The following ACOT7 variants were observed in gnomAD, a reference collection of about 807,000 sequenced individuals.
The protein encoded by ACOT7 is cytosolic acyl coenzyme A thioester hydrolase.
ACOT7 carries 12 observed loss-of-function variants against 40.2 expected under a neutral mutation model. That is an observed-to-expected ratio of 0.30 (90% CI 0.19 to 0.48). ACOT7 has a LOEUF of 0.48. Ranked by LOEUF, ACOT7 falls within the 20% of genes least tolerant of loss-of-function variation. The pLI, the probability that ACOT7 is intolerant of heterozygous loss-of-function variation, is 0.99. For missense variants in ACOT7, 395 were observed against 530.8 expected (o/e 0.74, Z 2.51); for synonymous variants, 228 against 219.5 (o/e 1.04, Z -0.34).
At chr1:6,342,498 A>G (rs1641304346) in intron 2 of ACOT7, among the ~76,000 whole-genome samples, 1 of 152,224 alleles carries the variant, frequency 6.6e-6, no homozygotes, top group Non-Finnish European at 1.5e-5. Context: ...TGTGTTGCCC[A>G]GGCAGGAATG....
At chr1:6,375,261 CAAAA>C (rs34778182) in intron 1 of ACOT7, among the ~76,000 whole-genome samples, 7 of 73,854 alleles carry the variant, frequency 9.5e-5, no homozygotes, top group Admixed American at 1.6e-4. Flanking sequence ...AGACTCCTCT[CAAAA>C]AAAAAAAAAA....
chr1:6,349,183 G>A (rs1015114839), intron 2 of ACOT7, among the ~76,000 whole-genome samples: 1 of 152,002 alleles, frequency 6.6e-6, no homozygotes, highest in African/African-American at 2.4e-5. Flanking sequence ...CTTGTCCCCA[G>A]CTTTAGGGTC....
At chr1:6,372,092 G>A (rs1187304087) in intron 1 of ACOT7, among the ~76,000 whole-genome samples, 1 of 151,226 alleles carries the variant, frequency 6.6e-6, no homozygotes, top group Non-Finnish European at 1.5e-5. Context: ...CCTCACCGGT[G>A]ATCTCAGCCA....
Position 6,284,437 on chromosome 1 carries a change from A to G in ACOT7, c.830-3151T>C, listed in dbSNP as rs528898883. On this transcript the variant is annotated intron_variant, in intron 7 of 8. Coordinates refer to ENST00000361521, the MANE Select transcript of ACOT7 (RefSeq NM_007274.4). ...ATTAAAAATACAAAATTAGCCGGGC[A>G]TGGTGGCACATGCCTGTAATCCCAG... 8.5e-5 allele frequency among the ~76,000 whole-genome samples: 13 copies of G among 152,134 alleles called. 1 individual carries two copies. In the South Asian group the frequency reaches 2.5e-3, roughly 29 times the overall value.
chr1:6,307,115 G>A (rs1310068069), intron 6 of ACOT7, among the ~76,000 whole-genome samples: 3 of 151,902 alleles, frequency 2.0e-5, no homozygotes, highest in Admixed American at 2.0e-4. Flanking sequence ...TGTCGCAGAA[G>A]GTTTGACTCC....
intron 5 of ACOT7, among the ~76,000 whole-genome samples, chr1:6,327,045 C>T (rs1640817204): frequency 6.6e-6 from 1 of 152,220 alleles, no homozygotes; most frequent in Non-Finnish European, 1.5e-5. Flanking sequence ...ATGGAGGCCC[C>T]ACGCACAGTG....
chr1:6,267,635 C>T (rs943361044), intron 8 of ACOT7, among the ~76,000 whole-genome samples: 1 of 152,236 alleles, frequency 6.6e-6, no homozygotes, highest in African/African-American at 2.4e-5. Context: ...GGTTCTGAAA[C>T]GTCTCAAATC....
intron 1 of ACOT7, among the ~76,000 whole-genome samples, chr1:6,382,584 G>A (rs6692732): frequency 0.082 from 12,444 of 151,808 alleles, 980 homozygotes; most frequent in African/African-American, 0.19. Context: ...GGCAGACGGA[G>A]ATGGGCAGAT....
intron 1 of ACOT7, among the ~76,000 whole-genome samples, chr1:6,362,430 C>CAA (rs1309633011): frequency 1.8e-5 from 2 of 113,802 alleles, no homozygotes; most frequent in African/African-American, 3.2e-5. Context: ...AACTCCGTCT[C>CAA]AAAAAAAAAA....
chr1:6,278,078 G>A lies in ACOT7; in HGVS notation c.1014+3024C>T, dbSNP rs1639248324. Among the ~76,000 whole-genome samples, 1 of 151,680 alleles carries A rather than the reference G, an allele frequency of 6.6e-6. No homozygotes were observed. The highest frequency in any genetic ancestry group is 1.5e-5 in the Non-Finnish European group (1 of 67,972). ...CCTGACAGTCCACGCAGCGTCTGCA[G>A]TGGCGGGGGGTGGTTGGGAGGGGGT... On this transcript the variant is annotated intron_variant, in intron 8 of 8. Transcript: ENST00000361521. The surrounding 1 kb of genome is among the most constrained non-coding windows in gnomAD (Gnocchi z 4.1).
chr1:6,281,787 A>C (rs1187852290), intron 7 of ACOT7, among the ~76,000 whole-genome samples: 1 of 152,038 alleles, frequency 6.6e-6, no homozygotes, highest in Non-Finnish European at 1.5e-5. Flanking sequence ...ACCTTGTATC[A>C]CCTTCCACAG....
intron 8 of ACOT7, among the ~76,000 whole-genome samples, chr1:6,271,514 G>C (rs1639034811): frequency 6.6e-6 from 1 of 152,224 alleles, no homozygotes; most frequent in South Asian, 2.1e-4. Flanking sequence ...AGCCAGCAAT[G>C]ATGAGCTTAG....
At position 6,289,769 on chromosome 1, in the gene ACOT7, ATCC is replaced by A. The variant is rs59387391; in HGVS notation, c.829+5092_829+5094del. On this transcript the variant is annotated intron_variant, in intron 7 of 8. Transcript: ENST00000361521. The surrounding 1 kb of genome is among the most constrained non-coding windows in gnomAD (Gnocchi z 4.6). Reference sequence around the variant, plus strand: ...TGGTCTCGAACCCCTGGCTTAAGCAATCCTCCTACTTTAGCATCCTAAGTAGCC... The same window carrying A: ...TGGTCTCGAACCCCTGGCTTAAGCAATCCTACTTTAGCATCCTAAGTAGCC... 5.5e-3 allele frequency among the ~76,000 whole-genome samples: 840 copies of A among 152,254 alleles called. 9 individuals are homozygous for A. The highest frequency in any genetic ancestry group is 0.019 in the African/African-American group (809 of 41,554).
intron 4 of ACOT7, 113 bp downstream of exon 4, chr1:6,333,364 C>G: frequency 8.1e-7 from 1 of 1,229,048 alleles, no homozygotes; most frequent in Non-Finnish European, 1.2e-6. Context: ...TGTGCCCTAG[C>G]TCTGGCCTGT....
At chr1:6,267,196 C>T (rs531282144) in intron 8 of ACOT7, among the ~76,000 whole-genome samples, 284 of 152,322 alleles carry the variant, frequency 1.9e-3, no homozygotes, top group African/African-American at 6.5e-3. Context: ...GAGCCAGGTC[C>T]GGCCTGAGGA....
intron 1 of ACOT7, among the ~76,000 whole-genome samples, chr1:6,387,891 A>G (rs1250709674): frequency 6.6e-6 from 1 of 152,090 alleles, no homozygotes; most frequent in Non-Finnish European, 1.5e-5. Context: ...GGAATGCTCC[A>G]GAATACAAGC....
intron 6 of ACOT7, among the ~76,000 whole-genome samples, chr1:6,296,299 C>T (rs762319836): frequency 1.3e-5 from 2 of 152,228 alleles, no homozygotes; most frequent in African/African-American, 4.8e-5. Context: ...GGAGAATACT[C>T]GGGCTGCAGA....
In ACOT7 at chr1:6,274,695, T is replaced by C. The variant is rs1299551213; in HGVS notation, c.1014+6407A>G. Among the ~76,000 whole-genome samples the C allele has an allele frequency of 6.6e-6, 1 of 152,158 alleles. No homozygotes were observed. Among genetic ancestry groups the C allele is most frequent in the Admixed American group, 6.5e-5 (1 of 15,288 alleles). ...AGAATCAAACTGGAGTGGAAAACTT[T>C]CCACTAAAATGTGCCCCAACCCCCA... On this transcript the variant is annotated intron_variant, in intron 8 of 8. Coordinates refer to ENST00000361521, the MANE Select transcript of ACOT7 (RefSeq NM_007274.4). The surrounding 1 kb of genome is among the most constrained non-coding windows in gnomAD (Gnocchi z 5.9).
At chr1:6,383,086 C>A (rs1222983106) in intron 1 of ACOT7, among the ~76,000 whole-genome samples, 2 of 151,544 alleles carry the variant, frequency 1.3e-5, no homozygotes, top group African/African-American at 4.8e-5. Flanking sequence ...ACCATGTTGG[C>A]CAGGCTGGTC....
Sources: allele counts gnomAD v4.1 joint callset (sites outside exome capture counted in the v4.1 genomes callset), GRCh38; gene constraint gnomAD v4.1.1; non-coding constraint Gnocchi (gnomAD v3.1); transcripts MANE v1.5; gene names NCBI Gene and HGNC (gene_info 2026-07-23, HGNC 2026-07-21).